PDZD2: variants seen among roughly 807,000 people sequenced by gnomAD.
The protein encoded by PDZD2 is PDZ domain-containing protein 2.
Under a neutral mutation model 220.7 loss-of-function variants are expected in PDZD2, and 90 were observed. The ratio of observed to expected loss-of-function variants is 0.41; its 90% CI spans 0.34 to 0.49. The LOEUF is 0.49. PDZD2 is among the 20% of genes least tolerant of loss of function. The pLI is 0.28. For missense variants in PDZD2, 3,174 were observed against 3,608.5 expected (o/e 0.88, Z 3.08); for synonymous variants, 1,375 against 1,450.5 (o/e 0.95, Z 1.18).
intron 1 of PDZD2, among the ~76,000 whole-genome samples, chr5:31,765,897 C>T (rs958021313): frequency 2.6e-5 from 4 of 152,114 alleles, no homozygotes; most frequent in African/African-American, 7.2e-5. Context: ...TGAGACCAGG[C>T]GTGGTGGCTC....
At chr5:31,654,457 T>C (rs1438557975) in intron 1 of PDZD2, among the ~76,000 whole-genome samples, 2 of 152,138 alleles carry the variant, frequency 1.3e-5, no homozygotes, top group African/African-American at 4.8e-5. Flanking sequence ...CTGTCTGCGA[T>C]GTCTGTCATC....
At chr5:32,079,679 C>T (rs575931794) in intron 19 of PDZD2, among the ~76,000 whole-genome samples, 58 of 151,870 alleles carry the variant, frequency 3.8e-4, no homozygotes, top group South Asian at 2.3e-3. Flanking sequence ...GGCATGTTGG[C>T]GGGCGCCTGT....
intron 1 of PDZD2, among the ~76,000 whole-genome samples, chr5:31,715,057 TAA>T (rs11310820): frequency 0.14 from 20,403 of 142,634 alleles, 1,531 homozygotes; most frequent in East Asian, 0.21. Context: ...ACACTCTGTC[TAA>T]AAAAAAAAAA....
chr5:32,021,668 T>A (rs1391283842), intron 6 of PDZD2, among the ~76,000 whole-genome samples: 1 of 152,200 alleles, frequency 6.6e-6, no homozygotes, highest in Non-Finnish European at 1.5e-5. Context: ...CAGTCTTACC[T>A]GTTTCTCACA....
At chr5:32,078,980 G>A (rs1206769958) in intron 19 of PDZD2, among the ~76,000 whole-genome samples, 1 of 151,904 alleles carries the variant, frequency 6.6e-6, no homozygotes, top group Non-Finnish European at 1.5e-5. Context: ...TTCTGGTGGG[G>A]CGCGGTGGCT....
chr5:31,932,715 T>A (rs115577334), intron 2 of PDZD2, among the ~76,000 whole-genome samples: 142 of 152,300 alleles, frequency 9.3e-4, no homozygotes, highest in African/African-American at 3.2e-3. Context: ...TCCAGAAGGC[T>A]TTTCCTCTTG....
intron 2 of PDZD2, among the ~76,000 whole-genome samples, chr5:31,874,871 G>A (rs1057449296): frequency 2.6e-5 from 4 of 151,262 alleles, no homozygotes; most frequent in African/African-American, 9.7e-5. Context: ...TTTAGTCTTT[G>A]TTTAAACAAC....
intron 14 of PDZD2, among the ~76,000 whole-genome samples, chr5:32,064,270 C>A (rs187495249): frequency 1.6e-3 from 249 of 150,986 alleles, no homozygotes; most frequent in African/African-American, 5.7e-3. Flanking sequence ...GAGACAAAGT[C>A]TCTCTCAGTT....
intron 19 of PDZD2, among the ~76,000 whole-genome samples, chr5:32,082,572 T>A (rs1742076628): frequency 6.6e-6 from 1 of 152,128 alleles, no homozygotes; most frequent in Non-Finnish European, 1.5e-5. Context: ...AATGACATTT[T>A]CATGTGTAGC....
intron 2 of PDZD2, among the ~76,000 whole-genome samples, chr5:31,830,967 G>C (rs1756548686): frequency 6.6e-6 from 1 of 152,196 alleles, no homozygotes; most frequent in Non-Finnish European, 1.5e-5. Flanking sequence ...TTCACCCAGT[G>C]GGAAAGCAAG....
At chr5:31,733,952 G>A (rs534773245) in intron 1 of PDZD2, among the ~76,000 whole-genome samples, 1 of 152,234 alleles carries the variant, frequency 6.6e-6, no homozygotes, top group South Asian at 2.1e-4. Flanking sequence ...GACCTCACAG[G>A]TTAAGCGCAC....
At chr5:32,007,462 C>CT (rs1210766383) in intron 5 of PDZD2, among the ~76,000 whole-genome samples, 1 of 151,364 alleles carries the variant, frequency 6.6e-6, no homozygotes, top group African/African-American at 2.4e-5. Flanking sequence ...ACTGAACTCA[C>CT]TTTTTTTTCC....
chr5:32,051,520 T>C (rs551039460), intron 8 of PDZD2, among the ~76,000 whole-genome samples: 29 of 152,198 alleles, frequency 1.9e-4, no homozygotes, highest in Non-Finnish European at 3.1e-4. Context: ...TTTTTTGGCT[T>C]AGGTAGAATA....
At chr5:31,796,820 C>A (rs1399063787) in intron 1 of PDZD2, among the ~76,000 whole-genome samples, 2 of 152,144 alleles carry the variant, frequency 1.3e-5, no homozygotes, top group African/African-American at 4.8e-5. Flanking sequence ...CAAATCGACA[C>A]CAGGAAAACA....
intron 6 of PDZD2, among the ~76,000 whole-genome samples, chr5:32,015,708 T>C (rs548782008): frequency 6.6e-6 from 1 of 152,122 alleles, no homozygotes; most frequent in Admixed American, 6.5e-5. Context: ...AAGAAAGAGA[T>C]TTTTCATGAG....
intron 1 of PDZD2, among the ~76,000 whole-genome samples, chr5:31,678,756 G>A (rs1278531079): frequency 6.6e-6 from 1 of 151,920 alleles, no homozygotes; most frequent in South Asian, 2.1e-4. Flanking sequence ...ATAGGTGCTC[G>A]CCACCACACC....
rs2150099731 is a variant in PDZD2, at chr5:31,639,805, T to G, written c.-361+368T>G. 6.6e-6 allele frequency among the ~76,000 whole-genome samples: 1 copy of G among 152,322 alleles called. No individual in the cohort carries two copies. The highest frequency in any genetic ancestry group is 1.5e-5 in the Non-Finnish European group (1 of 68,020). ...CATCCCTGGGCCGTCTTCTGGTCCCTTCCTCCGACAGGAGTGGAGGTACTC... is the reference window on the plus strand; with the variant it reads ...CATCCCTGGGCCGTCTTCTGGTCCCGTCCTCCGACAGGAGTGGAGGTACTC... On this transcript the variant is annotated intron_variant, in intron 1 of 24. Coordinates refer to ENST00000438447, the MANE Select transcript of PDZD2 (RefSeq NM_178140.4). This position sits in a 1 kb window ranked among gnomAD's most constrained non-coding sequence, Gnocchi z 4.1.
intron 2 of PDZD2, among the ~76,000 whole-genome samples, chr5:31,833,547 G>T (rs1218202813): frequency 1.3e-5 from 2 of 151,224 alleles, no homozygotes; most frequent in African/African-American, 4.9e-5. Flanking sequence ...GCCTCCCAAA[G>T]TGCTGGGATT....
chr5:31,959,548 A>T (rs571957091), intron 2 of PDZD2, among the ~76,000 whole-genome samples: 16 of 151,626 alleles, frequency 1.1e-4, no homozygotes, highest in Admixed American at 2.0e-4. Context: ...TAGTAGAGAC[A>T]AGGTTTCACC....
Sources: gnomAD v4.1 joint callset for allele counts (sites outside exome capture counted in the v4.1 genomes callset) on GRCh38, gnomAD v4.1.1 for gene constraint, Gnocchi (gnomAD v3.1) non-coding constraint, MANE v1.5 for transcripts, NCBI Gene and HGNC (gene_info 2026-07-23, HGNC 2026-07-21) for gene names.